The following CSMD1 variants were observed in gnomAD, a reference collection of about 807,000 sequenced individuals.
CSMD1 encodes CUB and sushi domain-containing protein 1.
A neutral mutation model predicts 417.5 loss-of-function variants in CSMD1; 213 were observed. That is an observed-to-expected ratio of 0.51 (90% CI 0.46 to 0.57). The LOEUF (loss-of-function observed/expected upper bound fraction) is 0.57. Among genes scored for constraint, CSMD1 ranks in the 20% least tolerant of loss-of-function variants. The pLI, the probability that CSMD1 is intolerant of heterozygous loss-of-function variation, is 0.00. For synonymous variants in CSMD1, 2,862 were observed against 1,736.8 expected, an observed-to-expected ratio of 1.65 and a Z score of -16.11; for missense variants, 6,923 against 4,529.7, an observed-to-expected ratio of 1.53 and a Z score of -15.17.
At chr8:3,686,948 C>G (rs768763164) in intron 7 of CSMD1, among the ~76,000 whole-genome samples, 13 of 152,144 alleles carry the variant, frequency 8.5e-5, no homozygotes, top group Non-Finnish European at 1.5e-4. Flanking sequence ...TGGGGGGTGT[C>G]TTTTCCATAT....
At chr8:3,674,470 A>G (rs973361472) in intron 7 of CSMD1, among the ~76,000 whole-genome samples, 1 of 152,180 alleles carries the variant, frequency 6.6e-6, no homozygotes, top group Non-Finnish European at 1.5e-5. Context: ...TTATAAACAA[A>G]AAATGATCAC....
rs200644430 is a variant in CSMD1 at position 3,838,524 on chromosome 8, C to CTATATA, written c.819-84488_819-84483dup. On this transcript the variant is annotated intron_variant, in intron 5 of 69. Coordinates refer to ENST00000635120, the MANE Select transcript of CSMD1 (RefSeq NM_033225.6). ...TAGGCTATATATAATATAATATAGC[C>CTATATA]TATATATATAGTCTATATATGTACT... is the stretch of plus-strand genomic sequence containing the variant. Among the ~76,000 whole-genome samples, 205 of 128,062 alleles carry CTATATA rather than the reference C, an allele frequency of 1.6e-3. 3 individuals are homozygous for CTATATA. Among genetic ancestry groups the CTATATA allele is most frequent in the African/African-American group, 5.9e-3 (200 of 33,746 alleles). 84.0% of individuals were successfully genotyped at this position (128,062 alleles called of 152,430 possible).
intron 4 of CSMD1, among the ~76,000 whole-genome samples, chr8:4,007,068 C>T (rs1816184000): frequency 6.6e-6 from 1 of 151,886 alleles, no homozygotes; most frequent in African/African-American, 2.4e-5. Context: ...TCGATCTCCT[C>T]ACTTCGTGAT....
chr8:4,416,230 G>A (rs186323625), intron 3 of CSMD1, among the ~76,000 whole-genome samples: 1 of 152,232 alleles, frequency 6.6e-6, no homozygotes, highest in Admixed American at 6.5e-5. Context: ...CCAAAGAAAG[G>A]TTGGATTATG....
intron 5 of CSMD1, among the ~76,000 whole-genome samples, chr8:3,953,276 G>C (rs1017857311): frequency 3.3e-5 from 5 of 152,072 alleles, no homozygotes; most frequent in South Asian, 2.1e-4. Flanking sequence ...CCTGGATTAA[G>C]AGAATTCAAC....
intron 3 of CSMD1, among the ~76,000 whole-genome samples, chr8:4,316,946 G>C (rs561699698): frequency 6.6e-6 from 1 of 151,600 alleles, no homozygotes; most frequent in African/African-American, 2.4e-5. Flanking sequence ...TATGCCACAT[G>C]TCAGATTCAT....
chr8:3,387,984 C>G (rs1051232632), intron 17 of CSMD1, among the ~76,000 whole-genome samples: 15 of 152,170 alleles, frequency 9.9e-5, no homozygotes, highest in African/African-American at 3.6e-4. Context: ...ATGAATTGCA[C>G]TAAATAAAGT....
intron 3 of CSMD1, among the ~76,000 whole-genome samples, chr8:4,277,885 C>T (rs1015301102): frequency 6.6e-6 from 1 of 151,976 alleles, no homozygotes; most frequent in African/African-American, 2.4e-5. Context: ...GTAGATGGGA[C>T]TACAGGCGCC....
intron 3 of CSMD1, among the ~76,000 whole-genome samples, chr8:4,323,100 T>C (rs991744119): frequency 2.2e-4 from 33 of 152,190 alleles, no homozygotes; most frequent in African/African-American, 7.5e-4. Flanking sequence ...AAAAATCATA[T>C]GATTTTAATG....
chr8:3,918,643 G>C lies in CSMD1; in HGVS notation c.818+79260C>G, dbSNP rs150150227. Reference sequence around the variant, plus strand: ...ACCAGCATAAATTCCCATCAAAAACGAGTGGATAAAGAAGCTGAGGTATAT... The same window carrying C: ...ACCAGCATAAATTCCCATCAAAAACCAGTGGATAAAGAAGCTGAGGTATAT... On this transcript the variant is annotated intron_variant, in intron 5 of 69. Transcript: ENST00000635120. Among the ~76,000 whole-genome samples, 273 of 152,156 alleles carry C rather than the reference G, an allele frequency of 1.8e-3. 2 individuals are homozygous for C. Among genetic ancestry groups the C allele is most frequent in the Non-Finnish European group, 1.6e-3 (111 of 68,000 alleles).
At chr8:3,837,735 A>T (rs1448203676) in intron 5 of CSMD1, among the ~76,000 whole-genome samples, 2 of 152,006 alleles carry the variant, frequency 1.3e-5, no homozygotes, top group Admixed American at 6.6e-5. Flanking sequence ...CTCTCCTTAA[A>T]ATCCTCCTGG....
At chr8:3,916,003 A>C (rs1808798667) in intron 5 of CSMD1, among the ~76,000 whole-genome samples, 1 of 151,668 alleles carries the variant, frequency 6.6e-6, no homozygotes, top group South Asian at 2.1e-4. Flanking sequence ...GATATAATGC[A>C]ATTAGTTGGA....
intron 5 of CSMD1, among the ~76,000 whole-genome samples, chr8:3,986,736 C>A (rs965349054): frequency 6.6e-6 from 1 of 151,512 alleles, no homozygotes; most frequent in African/African-American, 2.4e-5. Context: ...TGCTCAAAGG[C>A]CTGCTTTTAC....
intron 4 of CSMD1, among the ~76,000 whole-genome samples, chr8:4,008,817 A>C (rs1430026802): frequency 6.6e-6 from 1 of 151,684 alleles, no homozygotes; most frequent in East Asian, 1.9e-4. Context: ...TCAATGTGTT[A>C]GCCAGGATGG....
intron 8 of CSMD1, among the ~76,000 whole-genome samples, chr8:3,612,312 A>C (rs1801935255): frequency 6.6e-6 from 1 of 152,130 alleles, no homozygotes; most frequent in Non-Finnish European, 1.5e-5. Context: ...TGAAGCAAAA[A>C]CTGATAAAGC....
intron 3 of CSMD1, among the ~76,000 whole-genome samples, chr8:4,254,687 A>G (rs138126651): frequency 6.6e-5 from 10 of 152,184 alleles, no homozygotes; most frequent in South Asian, 2.1e-4. Flanking sequence ...GTTTCACTCC[A>G]TATTTTTACC....
At chr8:3,511,250 T>A (rs6995973) in intron 10 of CSMD1, among the ~76,000 whole-genome samples, 9 of 151,042 alleles carry the variant, frequency 6.0e-5, no homozygotes, top group African/African-American at 2.2e-4. Flanking sequence ...GGCTAGGGAA[T>A]GAATAGCATT....
intron 10 of CSMD1, among the ~76,000 whole-genome samples, chr8:3,510,678 A>ATAAAAGATTCC (rs11267262): frequency 1.3e-5 from 2 of 151,380 alleles, no homozygotes; most frequent in Non-Finnish European, 2.9e-5. Context: ...TAGAGGCAGG[A>ATAAAAGATTCC]TTACTTTTTA....
In CSMD1 at chr8:3,288,525, T is replaced by G. The variant is rs944294258; in HGVS notation, c.3951-4179A>C. Among the ~76,000 whole-genome samples, 10 of 147,448 alleles carry G rather than the reference T, an allele frequency of 6.8e-5. 1 individual carries two copies. Among genetic ancestry groups the G allele is most frequent in the Non-Finnish European group, 1.2e-4 (8 of 68,000 alleles). On this transcript the variant is annotated intron_variant, in intron 25 of 69. Transcript: ENST00000635120. The stretch of plus-strand genomic sequence containing the variant: ...ATTCAACTTCTTCCTGGTTTAGTCT[T>G]GGCAGGATGTATGTGTCGAAGAATT...
Sources: allele counts gnomAD v4.1 joint callset (sites outside exome capture counted in the v4.1 genomes callset), GRCh38; gene constraint gnomAD v4.1.1; transcripts MANE v1.5; gene names NCBI Gene and HGNC (gene_info 2026-07-23, HGNC 2026-07-21).